The following PPFIA2 variants were observed in gnomAD, a reference collection of about 807,000 sequenced individuals.
The protein encoded by PPFIA2 is liprin-alpha-2.
In PPFIA2, 46 loss-of-function variants were observed where a neutral mutation model predicts 175.5. The observed-to-expected ratio is 0.26, with a 90% CI of 0.21 to 0.34. The LOEUF is 0.34. Among genes scored for constraint, PPFIA2 ranks in the 10% least tolerant of loss-of-function variants. PPFIA2 has a pLI of 1.00. For synonymous variants in PPFIA2, 568 were observed against 511.4 expected, an observed-to-expected ratio of 1.11 and a Z score of -1.49; for missense variants, 1,179 against 1,506.1, an observed-to-expected ratio of 0.78 and a Z score of 3.60.
intron 3 of PPFIA2, among the ~76,000 whole-genome samples, chr12:81,738,572 C>T (rs903767407): frequency 1.3e-5 from 2 of 151,340 alleles, no homozygotes; most frequent in African/African-American, 4.9e-5. Context: ...GCTAAGGATG[C>T]ACATTGTAAT....
At chr12:81,737,268 T>C (rs915448647) in intron 3 of PPFIA2, among the ~76,000 whole-genome samples, 1 of 150,298 alleles carries the variant, frequency 6.7e-6, no homozygotes, top group Admixed American at 6.6e-5. Context: ...AGATGGGAAT[T>C]GAGATCAAGT....
chr12:81,712,177 T>C (rs2078022688), intron 3 of PPFIA2, among the ~76,000 whole-genome samples: 1 of 151,414 alleles, frequency 6.6e-6, no homozygotes, highest in South Asian at 2.1e-4. Flanking sequence ...ATAACTACTA[T>C]GCTGGTTGAA....
rs775809182 is a variant in PPFIA2 at position 81,715,198 on chromosome 12, G to T, written c.250-38354C>A. On this transcript the variant is annotated intron_variant, in intron 3 of 32. Transcript: ENST00000549396. Reference sequence around the variant, plus strand: ...GTACAAAATAGAAATAACACAATTTGTACATAGGATTCTAGTCCTAGGAAT... The same window carrying T: ...GTACAAAATAGAAATAACACAATTTTTACATAGGATTCTAGTCCTAGGAAT... Among the ~76,000 whole-genome samples the T allele has an allele frequency of 1.0e-4, 15 of 147,306 alleles. 1 individual carries two copies. Among genetic ancestry groups the T allele is most frequent in the Admixed American group, 2.3e-4 (3 of 13,056 alleles).
At chr12:81,313,317 A>G (rs571626245) in intron 22 of PPFIA2, among the ~76,000 whole-genome samples, 66 of 152,278 alleles carry the variant, frequency 4.3e-4, no homozygotes, top group African/African-American at 1.5e-3. Context: ...TATGTCAGAA[A>G]TTAGGCAAGT....
At chr12:81,426,221 A>G (rs973899489) in intron 7 of PPFIA2, among the ~76,000 whole-genome samples, 2 of 152,186 alleles carry the variant, frequency 1.3e-5, no homozygotes, top group Non-Finnish European at 1.5e-5. Flanking sequence ...TTGGTTGGTA[A>G]TACTCTGTCA....
intron 22 of PPFIA2, among the ~76,000 whole-genome samples, chr12:81,314,435 T>C (rs570109961): frequency 6.6e-6 from 1 of 152,032 alleles, no homozygotes; most frequent in South Asian, 2.1e-4. Flanking sequence ...CCATTGTGAG[T>C]AATTGGCAAG....
At chr12:81,532,296 T>C (rs2064686246) in intron 4 of PPFIA2, among the ~76,000 whole-genome samples, 1 of 151,680 alleles carries the variant, frequency 6.6e-6, no homozygotes, top group Non-Finnish European at 1.5e-5. Context: ...ACTAAGTCTA[T>C]TTGTAGAAAT....
At chr12:81,538,686 T>G (rs2153328755) in intron 4 of PPFIA2, among the ~76,000 whole-genome samples, 1 of 151,810 alleles carries the variant, frequency 6.6e-6, no homozygotes, top group South Asian at 2.1e-4. Flanking sequence ...GGCCCTCAGG[T>G]GTAATGTACT....
intron 4 of PPFIA2, among the ~76,000 whole-genome samples, chr12:81,582,662 G>A (rs2074586666): frequency 6.6e-6 from 1 of 151,656 alleles, no homozygotes; most frequent in Non-Finnish European, 1.5e-5. Flanking sequence ...ATATGTAAAA[G>A]TTAAATTTGG....
intron 4 of PPFIA2, among the ~76,000 whole-genome samples, chr12:81,480,928 T>C (rs934638486): frequency 2.0e-4 from 31 of 152,068 alleles, no homozygotes; most frequent in African/African-American, 7.5e-4. Flanking sequence ...GGTATTCAAA[T>C]AGGAAGAGAG....
intron 19 of PPFIA2, among the ~76,000 whole-genome samples, chr12:81,342,717 T>C (rs1158154171): frequency 6.6e-6 from 1 of 152,060 alleles, no homozygotes; most frequent in Non-Finnish European, 1.5e-5. Context: ...ATGTTAGTGT[T>C]TTCACAGTTC....
intron 4 of PPFIA2, among the ~76,000 whole-genome samples, chr12:81,582,097 G>C (rs2153429219): frequency 6.6e-6 from 1 of 151,846 alleles, no homozygotes; most frequent in East Asian, 1.9e-4. Context: ...ATTTGACTAA[G>C]ATTCCATTTT....
chr12:81,423,287 G>T (rs956559788), intron 7 of PPFIA2, among the ~76,000 whole-genome samples: 2 of 151,960 alleles, frequency 1.3e-5, no homozygotes, highest in African/African-American at 4.8e-5. Context: ...CAAAATCAGA[G>T]ATACTACAAG....
chr12:81,499,978 T>A (rs1476059081), intron 4 of PPFIA2, among the ~76,000 whole-genome samples: 1 of 152,110 alleles, frequency 6.6e-6, no homozygotes, highest in Non-Finnish European at 1.5e-5. Context: ...CTCCAGGAAC[T>A]CTTAAACTAA....
At chr12:81,555,626 A>T (rs2153380087) in intron 4 of PPFIA2, among the ~76,000 whole-genome samples, 1 of 152,148 alleles carries the variant, frequency 6.6e-6, no homozygotes, top group Non-Finnish European at 1.5e-5. Context: ...TATTTTCACC[A>T]TTTGGGATGA....
chr12:81,539,719 C>G (rs1382138095), intron 4 of PPFIA2, among the ~76,000 whole-genome samples: 1 of 151,900 alleles, frequency 6.6e-6, no homozygotes, highest in East Asian at 1.9e-4. Context: ...TGTCACTGAA[C>G]CTCTTTGAGG....
At chr12:81,566,030 G>A (rs1006306741) in intron 4 of PPFIA2, among the ~76,000 whole-genome samples, 3 of 152,138 alleles carry the variant, frequency 2.0e-5, no homozygotes, top group African/African-American at 7.2e-5. Flanking sequence ...TTTAAAGTTA[G>A]TTCATAAGGC....
intron 20 of PPFIA2, among the ~76,000 whole-genome samples, chr12:81,340,290 A>G (rs763853030): frequency 1.3e-5 from 2 of 152,106 alleles, no homozygotes; most frequent in South Asian, 2.1e-4. Flanking sequence ...TTTTAAAAGC[A>G]TTTATTGTAA....
chr12:81,336,791 C>A (rs1010976366), intron 21 of PPFIA2, among the ~76,000 whole-genome samples: 1 of 152,142 alleles, frequency 6.6e-6, no homozygotes, highest in Non-Finnish European at 1.5e-5. Flanking sequence ...CTTTCCCTGG[C>A]ATACTATTCT....
Sources: allele counts gnomAD v4.1 joint callset (sites outside exome capture counted in the v4.1 genomes callset), GRCh38; gene constraint gnomAD v4.1.1; transcripts MANE v1.5; gene names NCBI Gene and HGNC (gene_info 2026-07-23, HGNC 2026-07-21).